L2HGDH: variants seen among roughly 807,000 people sequenced by gnomAD.
L2HGDH encodes the protein L-2-hydroxyglutarate dehydrogenase.
A neutral mutation model predicts 51.5 loss-of-function variants in L2HGDH; 34 were observed. The ratio of observed to expected loss-of-function variants is 0.66; its 90% confidence interval spans 0.50 to 0.88. L2HGDH has a LOEUF of 0.88. Among genes scored for constraint, L2HGDH ranks in the 40% least tolerant of loss-of-function variants. L2HGDH has a pLI of 0.00. For synonymous variants in L2HGDH, 198 were observed against 197.9 expected, an observed-to-expected ratio of 1.00 and a Z score of -0.01; for missense variants, 558 against 571.9, an observed-to-expected ratio of 0.98 and a Z score of 0.25.
chr14:50,276,245 C>A (rs1298325859), intron 6 of L2HGDH, among the ~76,000 whole-genome samples: 1 of 152,180 alleles, frequency 6.6e-6, no homozygotes, highest in Non-Finnish European at 1.5e-5. Context: ...CACCACCAAA[C>A]TAGAAACCAT....
At chr14:50,250,446 T>C (rs978588991) in intron 9 of L2HGDH, among the ~76,000 whole-genome samples, 1 of 152,188 alleles carries the variant, frequency 6.6e-6, no homozygotes, top group Non-Finnish European at 1.5e-5. Context: ...CTTTGTATTG[T>C]AGTGTGAGTG....
intron 9 of L2HGDH, among the ~76,000 whole-genome samples, chr14:50,263,373 G>A (rs1022152221): frequency 6.6e-6 from 1 of 152,190 alleles, no homozygotes; most frequent in Non-Finnish European, 1.5e-5. Flanking sequence ...AGAGATAAGA[G>A]GAAAAACGTT....
In L2HGDH at chr14:50,291,087, A is replaced by G. The variant is rs112776746; in HGVS notation, c.540+3028T>C. 6.9e-3 allele frequency among the ~76,000 whole-genome samples: 1,025 copies of G among 148,716 alleles called. 14 individuals are homozygous for G. Among genetic ancestry groups the G allele is most frequent in the South Asian group, 0.035 (161 of 4,608 alleles). On this transcript the variant is annotated intron_variant, in intron 4 of 9. Coordinates refer to ENST00000267436, the MANE Select transcript of L2HGDH (RefSeq NM_024884.3). ...GTGACATGTGCCTGTAATCCCAGCC[A>G]CTTGGGAGCCTGAGGCAGGAGAATC...
chr14:50,259,559 T>G (rs12435332), intron 9 of L2HGDH, among the ~76,000 whole-genome samples: 3 of 151,680 alleles, frequency 2.0e-5, no homozygotes, highest in Non-Finnish European at 4.4e-5. Flanking sequence ...CCAGGTGCAG[T>G]GGCTCACACC....
intron 4 of L2HGDH, among the ~76,000 whole-genome samples, chr14:50,286,581 G>C (rs1431237069): frequency 6.6e-6 from 1 of 152,216 alleles, no homozygotes; most frequent in East Asian, 1.9e-4. Context: ...TGGTAAGGTT[G>C]GCAGGGAAGG....
intron 6 of L2HGDH, among the ~76,000 whole-genome samples, chr14:50,271,827 C>G (rs1889709006): frequency 6.6e-6 from 1 of 152,056 alleles, no homozygotes. Context: ...ATTAGCAAAT[C>G]CTACCTGCAA....
Position 50,242,970 on chromosome 14 carries a change from T to C in L2HGDH, c.*4088A>G. 2 of 985,430 alleles carry C rather than the reference T, an allele frequency of 2.0e-6. No individual in the cohort carries two copies. Among genetic ancestry groups the C allele is most frequent in the Non-Finnish European group, 2.4e-6 (2 of 829,922 alleles). The allele number at this position is 985,430 out of a possible 1,614,324, so 61.0% of individuals were successfully genotyped here. ...ATCAGGGTTGGATTGCCTCCAAAAG[T>C]AGGCCCTACAAACTCCCGTAGGCCA... On this transcript the variant is annotated 3_prime_UTR_variant, in exon 10 of 10. Transcript: ENST00000267436.
rs1343518153 is a variant in L2HGDH at position 50,242,544 on chromosome 14, A to G, written c.*4514T>C. On this transcript the variant is annotated 3_prime_UTR_variant, in exon 10 of 10. Transcript: ENST00000267436. ...ACAATACTTTCTAGGATTTGAGGCC[A>G]GAAAAGTAGAGTTGGTTGGTATCAA... is the stretch of plus-strand genomic sequence containing the variant. 6.1e-6 allele frequency: 6 copies of G among 984,728 alleles called. No individual in the cohort carries two copies. The highest frequency in any genetic ancestry group is 6.1e-5 in the Admixed American group (1 of 16,264). 61.0% of individuals were successfully genotyped at this position (984,728 alleles called of 1,614,324 possible).
chr14:50,264,629 A>G lies in L2HGDH; in HGVS notation c.1196+729T>C, dbSNP rs191060470. ...ATCCTTAGCAAACTAACACAAGAAC[A>G]GAAAACCAAATACCACATGTTCTCA... On this transcript the variant is annotated intron_variant, in intron 9 of 9. Coordinates refer to ENST00000267436, the MANE Select transcript of L2HGDH (RefSeq NM_024884.3). Among the ~76,000 whole-genome samples, 6 of 152,368 alleles carry G rather than the reference A, an allele frequency of 3.9e-5. No homozygotes were observed. The East Asian group carries it at 9.6e-4, about 24-fold the overall frequency.
In L2HGDH at chr14:50,244,652, T is replaced by G; in HGVS notation, c.*2406A>C. On this transcript the variant is annotated 3_prime_UTR_variant, in exon 10 of 10. Coordinates refer to ENST00000267436, the MANE Select transcript of L2HGDH (RefSeq NM_024884.3). ...GAGTTGAATAATGGCCTACTCTGTT[T>G]ACCTGGGATGTGCTACTTCTTAAAC... 1 of 985,470 alleles carries G rather than the reference T, an allele frequency of 1.0e-6. No individual in the cohort carries two copies. The allele number at this position is 985,470 out of a possible 1,614,324, so 61.0% of individuals were successfully genotyped here. A position where few individuals can be genotyped will look rare whatever the true frequency, so the allele number is the denominator to read the frequency against.
At chr14:50,249,861 C>T (rs1233555592) in intron 9 of L2HGDH, among the ~76,000 whole-genome samples, 1 of 143,320 alleles carries the variant, frequency 7.0e-6, no homozygotes, top group East Asian at 2.1e-4. Context: ...TCTTGGGGTC[C>T]CCAAGTCAAG....
intron 8 of L2HGDH, among the ~76,000 whole-genome samples, chr14:50,267,451 G>A (rs1438431974): frequency 1.3e-5 from 2 of 152,076 alleles, no homozygotes; most frequent in African/African-American, 4.8e-5. Flanking sequence ...CAGAGTGCTG[G>A]GATTACAGGC....
At chr14:50,284,636 A>T (rs1220402879) in intron 4 of L2HGDH, among the ~76,000 whole-genome samples, 1 of 152,230 alleles carries the variant, frequency 6.6e-6, no homozygotes. Context: ...AAAGAAAAGG[A>T]TAAGAGGAGA....
Position 50,300,608 on chromosome 14 carries a change from T to C in L2HGDH, c.408+1409A>G, listed in dbSNP as rs920802537. 2.6e-5 allele frequency among the ~76,000 whole-genome samples: 4 copies of C among 152,144 alleles called. No homozygotes were observed. In the South Asian group the frequency reaches 6.2e-4, roughly 24 times the overall value. On this transcript the variant is annotated intron_variant, in intron 3 of 9. Coordinates refer to ENST00000267436, the MANE Select transcript of L2HGDH (RefSeq NM_024884.3). ...GCCACCCTGCCCGGCCCATAACGTA[T>C]ACATACTTCAAAACAACATGTTGTA...
intron 1 of L2HGDH, among the ~76,000 whole-genome samples, chr14:50,307,770 A>G (rs1333786592): frequency 1.3e-5 from 2 of 152,192 alleles, no homozygotes; most frequent in South Asian, 2.1e-4. Flanking sequence ...AAATATTTCA[A>G]TGTTATTTCT....
chr14:50,290,855 C>T (rs1337470570), intron 4 of L2HGDH, among the ~76,000 whole-genome samples: 1 of 151,884 alleles, frequency 6.6e-6, no homozygotes, highest in Non-Finnish European at 1.5e-5. Context: ...TAATTCATCA[C>T]AAAATAATGT....
intron 2 of L2HGDH, among the ~76,000 whole-genome samples, chr14:50,302,566 T>A (rs1246996236): frequency 6.6e-6 from 1 of 152,218 alleles, no homozygotes; most frequent in African/African-American, 2.4e-5. Flanking sequence ...TGGGAAATAC[T>A]ACATTGCTCC....
intron 1 of L2HGDH, among the ~76,000 whole-genome samples, chr14:50,311,737 T>C (rs1319509240): frequency 6.6e-6 from 1 of 152,172 alleles, no homozygotes; most frequent in African/African-American, 2.4e-5. Flanking sequence ...GGAGGTTAAG[T>C]AACTAGCCCA....
rs1464480249 is a variant in L2HGDH, at chr14:50,278,528, T to C, written c.730A>G (p.Asn244Asp). The change falls in exon 6 of 10, where the codon AAT becomes GAT. Residue 244 changes from asparagine (N) to aspartate (D), a missense_variant. By Grantham distance (23) the Asn-to-Asp change is conservative. Transcript: ENST00000267436. ...TGCTTAAGAATCTTTACCTTTGTATTCTTTATAACAATTGGATATTGCATT... is the reference window on the plus strand; with the variant it reads ...TGCTTAAGAATCTTTACCTTTGTATCCTTTATAACAATTGGATATTGCATT... Reference protein sequence around the residue: ...DGMQYPIVIKNTKGEEIRCQY... With the variant: ...DGMQYPIVIKDTKGEEIRCQY... The C allele has an allele frequency of 6.7e-7, 1 of 1,498,816 alleles. No individual in the cohort carries two copies. The highest frequency in any genetic ancestry group is 1.8e-4 in the Middle Eastern group (1 of 5,664). 92.8% of individuals were successfully genotyped at this position (1,498,816 alleles called of 1,614,324 possible). A position where few individuals can be genotyped will look rare whatever the true frequency, so the allele number is the denominator to read the frequency against.
Sources: allele counts gnomAD v4.1 joint callset (sites outside exome capture counted in the v4.1 genomes callset), GRCh38; gene constraint gnomAD v4.1.1; transcripts MANE v1.5; gene names NCBI Gene and HGNC (gene_info 2026-07-23, HGNC 2026-07-21).